Variants in CDH8 observed in about 807,000 individuals in gnomAD.
CDH8 encodes the protein cadherin 8.
Under a neutral mutation model 68.1 loss-of-function variants are expected in CDH8, and 17 were observed. The ratio of observed to expected loss-of-function variants is 0.25; its 90% confidence interval spans 0.17 to 0.37. The LOEUF is 0.37. Ranked by LOEUF, CDH8 falls within the 10% of genes least tolerant of loss-of-function variation. The pLI is 1.00. For missense variants in CDH8, 763 were observed against 999.3 expected, an observed-to-expected ratio of 0.76 and a Z score of 3.19; for synonymous variants, 372 against 365.1, an observed-to-expected ratio of 1.02 and a Z score of -0.21.
intron 8 of CDH8, among the ~76,000 whole-genome samples, chr16:61,784,927 C>G (rs1208448792): frequency 6.6e-6 from 1 of 151,976 alleles, no homozygotes; most frequent in East Asian, 1.9e-4. Flanking sequence ...CTCTGGGACG[C>G]ATTCAAAGCA....
At position 61,675,618 on chromosome 16, in the gene CDH8, TA is replaced by T. The variant is rs1179475637; in HGVS notation, c.1655-19898del. ...GTATAATAAAAAAAAATAAAAAAAA[TA>T]AAAAAAATAAAAAAAAATAAAAATA... On this transcript the variant is annotated intron_variant, in intron 10 of 11. Transcript: ENST00000577390. Among the ~76,000 whole-genome samples, 136 of 82,398 alleles carry T rather than the reference TA, an allele frequency of 1.7e-3. 2 individuals are homozygous for T. Among genetic ancestry groups the T allele is most frequent in the African/African-American group, 8.4e-3 (91 of 10,898 alleles). 54.1% of individuals were successfully genotyped at this position (82,398 alleles called of 152,430 possible). A position where few individuals can be genotyped will look rare whatever the true frequency, so the allele number is the denominator to read the frequency against.
In CDH8 at chr16:61,718,727, T is replaced by C. The variant is rs1305249062; in HGVS notation, c.1537-4769A>G. Among the ~76,000 whole-genome samples, 4 of 151,408 alleles carry C rather than the reference T, an allele frequency of 2.6e-5. No individual in the cohort carries two copies. The East Asian group carries it at 7.8e-4, about 30-fold the overall frequency. On this transcript the variant is annotated intron_variant, in intron 9 of 11. Transcript: ENST00000577390. Reference sequence around the variant, plus strand: ...TTTATATGGCTGTCATTCCTCACCTTGAAAATGAAATAGTATGAAATTATT... The same window carrying C: ...TTTATATGGCTGTCATTCCTCACCTCGAAAATGAAATAGTATGAAATTATT...
chr16:61,691,008 T>A (rs1028196319), intron 10 of CDH8, among the ~76,000 whole-genome samples: 11 of 152,062 alleles, frequency 7.2e-5, no homozygotes, highest in African/African-American at 2.7e-4. Flanking sequence ...AGTCTACTAG[T>A]ACCAACCAAT....
intron 2 of CDH8, among the ~76,000 whole-genome samples, chr16:61,965,740 C>G (rs1386432842): frequency 6.6e-6 from 1 of 152,138 alleles, no homozygotes; most frequent in Non-Finnish European, 1.5e-5. Flanking sequence ...AAGGACAGGC[C>G]TGGTGCTAGT....
chr16:61,810,168 T>C lies in CDH8; in HGVS notation c.1277+7311A>G, dbSNP rs945111519. Among the ~76,000 whole-genome samples, 6 of 152,326 alleles carry C rather than the reference T, an allele frequency of 3.9e-5. No individual in the cohort carries two copies. In the South Asian group the frequency reaches 8.3e-4, roughly 21 times the overall value. On this transcript the variant is annotated intron_variant, in intron 7 of 11. Transcript: ENST00000577390. The stretch of plus-strand genomic sequence containing the variant: ...CCCCTTAGTTATGAATCAGTTATTA[T>C]ATTTCACTGAACTCCAACTGTTTCT...
At chr16:61,906,045 A>T (rs1964055419) in intron 2 of CDH8, among the ~76,000 whole-genome samples, 1 of 152,198 alleles carries the variant, frequency 6.6e-6, no homozygotes, top group African/African-American at 2.4e-5. Context: ...GGAATTGAGG[A>T]AAAGAAAGGT....
chr16:61,670,811 A>T (rs1963775828), intron 10 of CDH8, among the ~76,000 whole-genome samples: 1 of 151,926 alleles, frequency 6.6e-6, no homozygotes, highest in Admixed American at 6.6e-5. Context: ...TTGGTGACTA[A>T]AGGTGTGGAC....
At chr16:61,943,167 T>C (rs1253438632) in intron 2 of CDH8, among the ~76,000 whole-genome samples, 2 of 152,198 alleles carry the variant, frequency 1.3e-5, no homozygotes, top group Non-Finnish European at 2.9e-5. Flanking sequence ...TATATCACTC[T>C]GTTTCATCTT....
intron 7 of CDH8, among the ~76,000 whole-genome samples, chr16:61,817,010 A>G (rs898699837): frequency 6.6e-6 from 1 of 152,132 alleles, no homozygotes; most frequent in African/African-American, 2.4e-5. Context: ...ATAAAATAGG[A>G]GCCTCTTAAT....
At chr16:61,817,453 C>T (rs1206734010) in intron 7 of CDH8, 26 bp downstream of exon 7, 2 of 1,611,468 alleles carry the variant, frequency 1.2e-6, no homozygotes, top group South Asian at 2.2e-5. Context: ...TTGCAGTAGC[C>T]AGTATTCCTT....
At chr16:61,892,972 C>T (rs1963803488) in intron 3 of CDH8, among the ~76,000 whole-genome samples, 1 of 152,132 alleles carries the variant, frequency 6.6e-6, no homozygotes, top group African/African-American at 2.4e-5. Flanking sequence ...TAGAGAGATA[C>T]ATAGTGTGTT....
At chr16:61,716,626 GCTTT>G (rs2142873175) in intron 9 of CDH8, among the ~76,000 whole-genome samples, 1 of 151,746 alleles carries the variant, frequency 6.6e-6, no homozygotes, top group Admixed American at 6.6e-5. Context: ...TCATTAAGAG[GCTTT>G]ATATTGTCAA....
intron 2 of CDH8, among the ~76,000 whole-genome samples, chr16:62,010,507 CCGA>C (rs1901781126): frequency 6.6e-6 from 1 of 152,162 alleles, no homozygotes; most frequent in South Asian, 2.1e-4. Flanking sequence ...TGACTTTCTC[CCGA>C]TCTGGTAATG....
At chr16:61,842,906 A>T (rs1479996486) in intron 4 of CDH8, among the ~76,000 whole-genome samples, 1 of 152,186 alleles carries the variant, frequency 6.6e-6, no homozygotes, top group Non-Finnish European at 1.5e-5. Context: ...GCATGGAAAA[A>T]TGAGGTAAAT....
intron 2 of CDH8, among the ~76,000 whole-genome samples, chr16:61,904,990 T>C (rs374154625): frequency 6.6e-6 from 1 of 152,258 alleles, no homozygotes; most frequent in African/African-American, 2.4e-5. Context: ...GGTTGCATGC[T>C]CCTTATGAGA....
chr16:61,895,997 T>TAA (rs553346720), intron 3 of CDH8, among the ~76,000 whole-genome samples: 4 of 143,980 alleles, frequency 2.8e-5, no homozygotes, highest in South Asian at 2.2e-4. Flanking sequence ...TAAGTCAAAG[T>TAA]AAAAAAAAAA....
intron 10 of CDH8, among the ~76,000 whole-genome samples, chr16:61,678,543 T>TC (rs35469950): frequency 0.16 from 23,930 of 151,938 alleles, 2,038 homozygotes; most frequent in African/African-American, 0.21. Flanking sequence ...CTCTTTTTTT[T>TC]ATACTTTAAG....
intron 2 of CDH8, among the ~76,000 whole-genome samples, chr16:61,923,848 T>C (rs932414861): frequency 6.8e-6 from 1 of 147,682 alleles, no homozygotes; most frequent in Non-Finnish European, 1.5e-5. Flanking sequence ...TATTTGTGTA[T>C]ATATTTAAAT....
At chr16:61,811,936 T>G (rs567504659) in intron 7 of CDH8, among the ~76,000 whole-genome samples, 1 of 152,312 alleles carries the variant, frequency 6.6e-6, no homozygotes, top group South Asian at 2.1e-4. Flanking sequence ...CATAAAGTTT[T>G]AGTTATGCAA....
Sources: allele counts gnomAD v4.1 joint callset (sites outside exome capture counted in the v4.1 genomes callset), GRCh38; gene constraint gnomAD v4.1.1; transcripts MANE v1.5; gene names NCBI Gene and HGNC (gene_info 2026-07-23, HGNC 2026-07-21).